RBMS3: variants seen among roughly 807,000 people sequenced by gnomAD.
RBMS3 encodes RNA-binding motif, single-stranded-interacting protein 3.
RBMS3 carries 27 observed loss-of-function variants against 66.8 expected under a neutral mutation model. The ratio of observed to expected loss-of-function variants is 0.40; its 90% CI spans 0.30 to 0.56. The LOEUF is 0.56. RBMS3 is among the 20% of genes least tolerant of loss of function. The pLI is 0.40. For synonymous variants in RBMS3, 188 were observed against 183.0 expected (o/e 1.03, Z -0.22); for missense variants, 513 against 549.5 (o/e 0.93, Z 0.66).
intron 1 of RBMS3, among the ~76,000 whole-genome samples, chr3:29,303,987 T>C (rs201947387): frequency 3.9e-5 from 6 of 152,000 alleles, no homozygotes; most frequent in African/African-American, 1.4e-4. Flanking sequence ...TTCACTACCA[T>C]GAGAACAGTA....
At position 29,473,577 on chromosome 3, in the gene RBMS3, C is replaced by T. The variant is rs140503992; in HGVS notation, c.249-14864C>T. On this transcript the variant is annotated intron_variant, in intron 2 of 14. Transcript: ENST00000383767. ...AGGGGTGGCGCTCGTTGGGGAGGCTCGGGTGCACAGGAGCCCACGGAGGAG... is the reference window on the plus strand; with the variant it reads ...AGGGGTGGCGCTCGTTGGGGAGGCTTGGGTGCACAGGAGCCCACGGAGGAG... Among the ~76,000 whole-genome samples the T allele has an allele frequency of 6.7e-3, 1,026 of 152,294 alleles. 23 individuals carry two copies. The highest frequency in any genetic ancestry group is 0.055 in the Admixed American group (836 of 15,306).
intron 1 of RBMS3, among the ~76,000 whole-genome samples, chr3:29,322,109 A>G (rs1575540154): frequency 6.6e-6 from 1 of 152,000 alleles, no homozygotes; most frequent in Admixed American, 6.6e-5. Flanking sequence ...CCATCTATGA[A>G]GGGCTCTTCC....
chr3:29,421,013 C>T (rs1041611946), intron 1 of RBMS3, among the ~76,000 whole-genome samples: 9 of 150,852 alleles, frequency 6.0e-5, no homozygotes, highest in Admixed American at 1.3e-4. Flanking sequence ...CTCGAGAGGC[C>T]GAGGCAGGAG....
At position 29,996,985 on chromosome 3, in the gene RBMS3, T is replaced by A. The variant is rs183161888; in HGVS notation, c.1307+5776T>A. On this transcript the variant is annotated intron_variant, in intron 14 of 14. Coordinates refer to ENST00000383767, the MANE Select transcript of RBMS3 (RefSeq NM_001003793.3). ...AAAATTAATGAATCCAGGAGCTGGT[T>A]TTTTGAAAAGATCAAAAAAATTGAT... 4.3e-3 allele frequency among the ~76,000 whole-genome samples: 655 copies of A among 152,052 alleles called. 4 individuals are homozygous for A. Among genetic ancestry groups the A allele is most frequent in the African/African-American group, 0.015 (614 of 41,430 alleles).
chr3:29,332,172 C>G (rs963014845), intron 1 of RBMS3, among the ~76,000 whole-genome samples: 1 of 152,132 alleles, frequency 6.6e-6, no homozygotes, highest in Non-Finnish European at 1.5e-5. Flanking sequence ...TCTGAAAACA[C>G]TGACTGATTT....
intron 6 of RBMS3, among the ~76,000 whole-genome samples, chr3:29,821,945 C>A (rs2058086381): frequency 6.6e-6 from 1 of 152,322 alleles, no homozygotes; most frequent in Non-Finnish European, 1.5e-5. Context: ...TAAAATACAT[C>A]TGGCTCTTCT....
At chr3:29,318,284 G>C (rs547421665) in intron 1 of RBMS3, among the ~76,000 whole-genome samples, 2 of 151,946 alleles carry the variant, frequency 1.3e-5, no homozygotes, top group South Asian at 4.1e-4. Context: ...AAACTAGGCT[G>C]CCAAGAATTT....
chr3:29,517,480 G>A (rs13081975), intron 3 of RBMS3, among the ~76,000 whole-genome samples: 7,031 of 151,890 alleles, frequency 0.046, 212 homozygotes, highest in South Asian at 0.1. Flanking sequence ...CTGCCACCAC[G>A]CCAGGCTAAT....
chr3:29,933,495 C>T (rs905733161), intron 10 of RBMS3, among the ~76,000 whole-genome samples: 2 of 152,060 alleles, frequency 1.3e-5, no homozygotes, highest in African/African-American at 4.8e-5. Context: ...TTAGTTACTT[C>T]CAGTTTACTC....
At chr3:29,705,980 A>G (rs1387028611) in intron 4 of RBMS3, among the ~76,000 whole-genome samples, 1 of 152,192 alleles carries the variant, frequency 6.6e-6, no homozygotes, top group East Asian at 1.9e-4. Context: ...TGTACCAGCA[A>G]GGGCTCTGCC....
At chr3:29,623,699 G>A (rs186114341) in intron 4 of RBMS3, among the ~76,000 whole-genome samples, 33 of 152,044 alleles carry the variant, frequency 2.2e-4, no homozygotes, top group Admixed American at 1.6e-3. Flanking sequence ...ATAATTGAAA[G>A]TGTATGAATT....
At chr3:29,870,836 A>G (rs1457595459) in intron 7 of RBMS3, among the ~76,000 whole-genome samples, 2 of 152,188 alleles carry the variant, frequency 1.3e-5, no homozygotes, top group Non-Finnish European at 2.9e-5. Flanking sequence ...AATAAAATAT[A>G]TTTCAAATAT....
In RBMS3 at chr3:29,502,415, A is replaced by T. The variant is rs1303093047; in HGVS notation, c.307+13916A>T. Among the ~76,000 whole-genome samples the T allele has an allele frequency of 3.3e-5, 5 of 152,100 alleles. No individual in the cohort carries two copies. The East Asian group carries it at 5.8e-4, about 18-fold the overall frequency. ...AATAATCCCAATAAGTAAGACTAGA[A>T]GTAAATGATCCTGGATGTTTTTAAT... is the stretch of plus-strand genomic sequence containing the variant. On this transcript the variant is annotated intron_variant, in intron 3 of 14. Coordinates refer to ENST00000383767, the MANE Select transcript of RBMS3 (RefSeq NM_001003793.3).
intron 7 of RBMS3, among the ~76,000 whole-genome samples, chr3:29,879,671 A>G (rs1228692363): frequency 1.3e-5 from 2 of 152,270 alleles, no homozygotes; most frequent in Admixed American, 1.3e-4. Flanking sequence ...AAGGAGAAAT[A>G]TTAGGCTAAA....
intron 5 of RBMS3, among the ~76,000 whole-genome samples, chr3:29,743,492 A>C (rs979421897): frequency 1.3e-5 from 2 of 152,168 alleles, no homozygotes; most frequent in Non-Finnish European, 2.9e-5. Flanking sequence ...TAGAAATGCA[A>C]ATTTCCTGCC....
chr3:29,474,933 T>C (rs1227987635), intron 2 of RBMS3, among the ~76,000 whole-genome samples: 1 of 152,136 alleles, frequency 6.6e-6, no homozygotes, highest in Non-Finnish European at 1.5e-5. Flanking sequence ...GATGGAAATA[T>C]AAAGAATAGA....
At chr3:29,505,982 T>G (rs2044168407) in intron 3 of RBMS3, among the ~76,000 whole-genome samples, 1 of 151,946 alleles carries the variant, frequency 6.6e-6, no homozygotes, top group Non-Finnish European at 1.5e-5. Flanking sequence ...TGGTGGAATT[T>G]TTTAGGCTAC....
chr3:29,459,215 T>C (rs921427606), intron 2 of RBMS3, among the ~76,000 whole-genome samples: 1 of 152,172 alleles, frequency 6.6e-6, no homozygotes, highest in African/African-American at 2.4e-5. Flanking sequence ...CATTAAGAAG[T>C]GATTGATAAG....
chr3:29,994,956 C>CA (rs1286208737), intron 14 of RBMS3, among the ~76,000 whole-genome samples: 1 of 152,154 alleles, frequency 6.6e-6, no homozygotes, highest in African/African-American at 2.4e-5. Context: ...AAGAAGGCTT[C>CA]AGAAGATCAA....
Sources: allele counts gnomAD v4.1 joint callset (sites outside exome capture counted in the v4.1 genomes callset), GRCh38; gene constraint gnomAD v4.1.1; transcripts MANE v1.5; gene names NCBI Gene and HGNC (gene_info 2026-07-23, HGNC 2026-07-21).